PRKN: variants seen among roughly 807,000 people sequenced by gnomAD.
PRKN encodes parkin RBR E3 ubiquitin protein ligase.
In PRKN, 56 loss-of-function variants were observed where a neutral mutation model predicts 59.5. The ratio of observed to expected loss-of-function variants is 0.94; its 90% CI spans 0.76 to 1.18. PRKN has a LOEUF of 1.18. PRKN is among the 50% of genes most tolerant of loss of function. The pLI, the probability that PRKN is intolerant of heterozygous loss-of-function variation, is 0.00. For synonymous variants in PRKN, 250 were observed against 222.1 expected (o/e 1.13, Z -1.12); for missense variants, 657 against 596.4 (o/e 1.10, Z -1.06).
chr6:162,063,337 A>C (rs1778183051), intron 4 of PRKN, among the ~76,000 whole-genome samples: 1 of 152,252 alleles, frequency 6.6e-6, no homozygotes, highest in Non-Finnish European at 1.5e-5. Context: ...AACAAGACGT[A>C]TAAGTGGCCA....
chr6:162,443,206 A>T, intron 2 of PRKN, 104 bp downstream of exon 2: 1 of 1,192,948 alleles, frequency 8.4e-7, no homozygotes, highest in Non-Finnish European at 1.2e-6. Flanking sequence ...CCCAGGCACT[A>T]TTTATTCTAT....
At chr6:162,339,536 G>A (rs1310889455) in intron 2 of PRKN, among the ~76,000 whole-genome samples, 4 of 139,374 alleles carry the variant, frequency 2.9e-5, no homozygotes, top group East Asian at 4.3e-4. Context: ...CCCCCCGCCC[G>A]GCCAGCCGCC....
In PRKN at chr6:161,474,578, C is replaced by G. The variant is rs555562121; in HGVS notation, c.1083+74276G>C. ...GAGCAGCTGTAGACACCTTGAAATACCAACTATGTTCACCATTACTTTTTT... is the reference window on the plus strand; with the variant it reads ...GAGCAGCTGTAGACACCTTGAAATAGCAACTATGTTCACCATTACTTTTTT... On this transcript the variant is annotated intron_variant, in intron 9 of 11. Transcript: ENST00000366898. Among the ~76,000 whole-genome samples the G allele has an allele frequency of 2.0e-5, 3 of 152,038 alleles. No homozygotes were observed. The South Asian group carries it at 6.2e-4, about 32-fold the overall frequency.
chr6:161,965,874 T>A (rs1021481506), intron 6 of PRKN, among the ~76,000 whole-genome samples: 1 of 152,064 alleles, frequency 6.6e-6, no homozygotes, highest in Non-Finnish European at 1.5e-5. Flanking sequence ...TTCTGAGGTC[T>A]TATAATGGCT....
chr6:162,250,100 C>A (rs1273854664), intron 3 of PRKN, among the ~76,000 whole-genome samples: 2 of 150,180 alleles, frequency 1.3e-5, no homozygotes, highest in Non-Finnish European at 3.0e-5. Flanking sequence ...GAGCCGAGAT[C>A]ACACCACAGG....
chr6:162,469,938 G>T (rs763844416), intron 1 of PRKN, among the ~76,000 whole-genome samples: 4 of 152,172 alleles, frequency 2.6e-5, no homozygotes, highest in Non-Finnish European at 4.4e-5. Flanking sequence ...GGAGCTAACT[G>T]TCCATAAGTA....
Position 161,970,980 on chromosome 6 carries a change from G to A in PRKN, c.734+2322C>T, listed in dbSNP as rs1177873317. On this transcript the variant is annotated intron_variant, in intron 6 of 11. Coordinates refer to ENST00000366898, the MANE Select transcript of PRKN (RefSeq NM_004562.3). ...TAATGTCCTTACACGTGGATCCCTC[G>A]AAGTCAGAAGAAAGAGTTCTTCTCT... 2.6e-5 allele frequency among the ~76,000 whole-genome samples: 4 copies of A among 152,132 alleles called. No individual in the cohort carries two copies. In the South Asian group the frequency reaches 8.3e-4, roughly 31 times the overall value.
At chr6:161,765,468 TAA>T (rs1476421394) in intron 7 of PRKN, among the ~76,000 whole-genome samples, 3 of 152,072 alleles carry the variant, frequency 2.0e-5, no homozygotes, top group Non-Finnish European at 2.9e-5. Context: ...CTTTGGAAAA[TAA>T]AGTTTGAAGT....
At chr6:162,670,673 C>T (rs1250402326) in intron 1 of PRKN, among the ~76,000 whole-genome samples, 1 of 152,138 alleles carries the variant, frequency 6.6e-6, no homozygotes, top group Non-Finnish European at 1.5e-5. Context: ...CCTAAGCTTC[C>T]TGCTTCAACA....
chr6:162,006,614 T>C (rs1782265405), intron 5 of PRKN, among the ~76,000 whole-genome samples: 1 of 152,210 alleles, frequency 6.6e-6, no homozygotes, highest in African/African-American at 2.4e-5. Flanking sequence ...GCTCTTCAGA[T>C]AGGCCAAGCT....
rs552102977 is a variant in PRKN, at chr6:161,477,809, G to A, written c.1083+71045C>T. 2.6e-5 allele frequency among the ~76,000 whole-genome samples: 4 copies of A among 152,230 alleles called. No individual in the cohort carries two copies. The South Asian group carries it at 8.3e-4, about 32-fold the overall frequency. ...TAATGGTAGCAAATATATTGAAGAC[G>A]GCTCATGCAGGCCTTCCTTGCTTCC... On this transcript the variant is annotated intron_variant, in intron 9 of 11. Coordinates refer to ENST00000366898, the MANE Select transcript of PRKN (RefSeq NM_004562.3).
At chr6:162,690,588 A>G (rs1425681301) in intron 1 of PRKN, among the ~76,000 whole-genome samples, 1 of 152,218 alleles carries the variant, frequency 6.6e-6, no homozygotes, top group Non-Finnish European at 1.5e-5. Context: ...GGGACCAAGA[A>G]ACAAAAGGCT....
chr6:161,666,855 A>G (rs1319313634), intron 7 of PRKN, among the ~76,000 whole-genome samples: 1 of 152,178 alleles, frequency 6.6e-6, no homozygotes, highest in African/African-American at 2.4e-5. Flanking sequence ...TTTTGCTGGC[A>G]GACACTCAGC....
At chr6:161,424,191 G>T (rs1422909233) in intron 9 of PRKN, among the ~76,000 whole-genome samples, 1 of 152,018 alleles carries the variant, frequency 6.6e-6, no homozygotes, top group African/African-American at 2.4e-5. Flanking sequence ...ACAAAAATTA[G>T]CTAGGCATGA....
At chr6:161,394,512 T>C (rs921486495) in intron 9 of PRKN, among the ~76,000 whole-genome samples, 1 of 152,220 alleles carries the variant, frequency 6.6e-6, no homozygotes, top group Non-Finnish European at 1.5e-5. Flanking sequence ...TTACTTTCTT[T>C]GGTTTAATTT....
rs1455810277 is a variant in PRKN, at chr6:162,010,523, AT to A, written c.619-37107del. ...TATAATATATTATATTATATATTAT[AT>A]AATATATTATATAATGTATTATATT... is the stretch of plus-strand genomic sequence containing the variant. On this transcript the variant is annotated intron_variant, in intron 5 of 11. Transcript: ENST00000366898. Among the ~76,000 whole-genome samples, 2 of 14,840 alleles carry A rather than the reference AT, an allele frequency of 1.3e-4. 1 individual carries two copies. The highest frequency in any genetic ancestry group is 1.9e-4 in the Non-Finnish European group (2 of 10,300). The allele number at this position is 14,840 out of a possible 152,430, so 9.7% of individuals were successfully genotyped here. A position where few individuals can be genotyped will look rare whatever the true frequency, so the allele number is the denominator to read the frequency against.
intron 1 of PRKN, among the ~76,000 whole-genome samples, chr6:162,718,562 A>C (rs1409981406): frequency 6.6e-6 from 1 of 152,090 alleles, no homozygotes; most frequent in African/African-American, 2.4e-5. Flanking sequence ...ATACAAAAAA[A>C]ATTAGCTGGG....
At chr6:162,213,804 TACACACACACACACACACACACACACAC>T (rs58192789) in intron 3 of PRKN, among the ~76,000 whole-genome samples, 24 of 126,640 alleles carry the variant, frequency 1.9e-4, no homozygotes, top group Middle Eastern at 4.4e-3. Context: ...AAAAAAACCA[TACACACACACACACACACACACACACAC>T]ACACACACAC....
At chr6:162,679,074 C>CTTTATTTATTTATTTATTTATTTA (rs71008105) in intron 1 of PRKN, among the ~76,000 whole-genome samples, 3 of 138,114 alleles carry the variant, frequency 2.2e-5, no homozygotes, top group Admixed American at 7.4e-5. Context: ...TGTGCCTGGC[C>CTTTATTTATTTATTTATTTATTTA]TTTATTTATT....
Sources: allele counts gnomAD v4.1 joint callset (sites outside exome capture counted in the v4.1 genomes callset), GRCh38; gene constraint gnomAD v4.1.1; transcripts MANE v1.5; gene names NCBI Gene and HGNC (gene_info 2026-07-23, HGNC 2026-07-21).